GSN: variants seen among roughly 807,000 people sequenced by gnomAD.
GSN encodes the protein gelsolin, also known as actin-depolymerizing factor.
A neutral mutation model predicts 85.7 loss-of-function variants in GSN; 56 were observed. That is an observed-to-expected ratio of 0.65 (90% CI 0.53 to 0.82). The LOEUF (loss-of-function observed/expected upper bound fraction) is 0.82. Among genes scored for constraint, GSN ranks in the 40% least tolerant of loss-of-function variants. The pLI, the probability that GSN is intolerant of heterozygous loss-of-function variation, is 0.00. For synonymous variants in GSN, 373 were observed against 399.1 expected, an observed-to-expected ratio of 0.93 and a Z score of 0.78; for missense variants, 857 against 979.8, an observed-to-expected ratio of 0.87 and a Z score of 1.67.
At chr9:121,222,849 A>C (rs1168120355) in intron 4 of GSN, 2 of 152,086 alleles carry the variant, frequency 1.3e-5, no homozygotes, top group Non-Finnish European at 2.9e-5. Context: ...AAGAGAGCCA[A>C]GTGGGTAACG....
chr9:121,332,774 G>C lies in GSN; in HGVS notation c.*171G>C. On this transcript the variant is annotated 3_prime_UTR_variant, in exon 18 of 18. Coordinates refer to ENST00000432226, the MANE Select transcript of GSN (RefSeq NM_198252.3). This position sits in a 1 kb window ranked among gnomAD's most constrained non-coding sequence, Gnocchi z 4.8. Reference sequence around the variant, plus strand: ...AAAAATAGCCCTGCAAAAATTCAGAGTCCTTGCAAAATTGTCTAAAATGTC... The same window carrying C: ...AAAAATAGCCCTGCAAAAATTCAGACTCCTTGCAAAATTGTCTAAAATGTC... 1.7e-6 allele frequency: 1 copy of C among 599,082 alleles called. No individual in the cohort carries two copies. Among genetic ancestry groups the C allele is most frequent in the East Asian group, 2.8e-5 (1 of 35,974 alleles). 37.1% of individuals were successfully genotyped at this position (599,082 alleles called of 1,614,324 possible). A position where few individuals can be genotyped will look rare whatever the true frequency, so the allele number is the denominator to read the frequency against.
chr9:121,304,495 CAG>C (rs2060205202), intron 4 of GSN, among the ~76,000 whole-genome samples: 1 of 152,238 alleles, frequency 6.6e-6, no homozygotes, highest in African/African-American at 2.4e-5. Context: ...CCAGGAATCA[CAG>C]AGATTGGGAT....
chr9:121,300,878 G>C (rs1353903344), intron 2 of GSN, among the ~76,000 whole-genome samples: 1 of 152,148 alleles, frequency 6.6e-6, no homozygotes, highest in Non-Finnish European at 1.5e-5. Context: ...AGAGAGGAGA[G>C]GGGGCTCCTG....
At chr9:121,234,815 C>G (rs894663981) in intron 5 of GSN, among the ~76,000 whole-genome samples, 1 of 152,326 alleles carries the variant, frequency 6.6e-6, no homozygotes, top group South Asian at 2.1e-4. Flanking sequence ...CATCACCATA[C>G]ACTAGACTGA....
intron 4 of GSN, among the ~76,000 whole-genome samples, chr9:121,220,603 C>T (rs1022712051): frequency 1.3e-5 from 2 of 152,244 alleles, no homozygotes; most frequent in Non-Finnish European, 2.9e-5. Flanking sequence ...AGTGGTGGAA[C>T]CACAGCTAAT....
chr9:121,258,172 G>A (rs893606143), intron 6 of GSN, among the ~76,000 whole-genome samples: 10 of 152,186 alleles, frequency 6.6e-5, no homozygotes, highest in Non-Finnish European at 1.5e-4. Context: ...GGGAACTTGG[G>A]GAAATATGGC....
chr9:121,224,112 T>A (rs1175648451), intron 4 of GSN, among the ~76,000 whole-genome samples: 1 of 152,150 alleles, frequency 6.6e-6, no homozygotes, highest in African/African-American at 2.4e-5. Flanking sequence ...TATTTATTTT[T>A]TAGAGACGGA....
chr9:121,207,974 A>G (rs1424736433), intron 1 of GSN: 2 of 115,630 alleles, frequency 1.7e-5, no homozygotes, highest in African/African-American at 5.4e-5. Flanking sequence ...TTTTGTAGAG[A>G]CAGAGTTTCT....
intron 6 of GSN, among the ~76,000 whole-genome samples, chr9:121,259,436 G>C (rs1051679768): frequency 6.6e-6 from 1 of 152,136 alleles, no homozygotes; most frequent in African/African-American, 2.4e-5. Context: ...CTAAAACTGA[G>C]CCTGAAAAAA....
rs752882912 is a variant in GSN at position 121,261,181 on chromosome 9, G to T, written c.-340-3973G>T. Reference sequence around the variant, plus strand: ...GGGACAGCTGAATGCCTTCTGGTCCGCTGAGCCCAGAAGAGTGGGGCTGGG... The same window carrying T: ...GGGACAGCTGAATGCCTTCTGGTCCTCTGAGCCCAGAAGAGTGGGGCTGGG... On this transcript the variant is annotated intron_variant, in intron 6 of 24. Coordinates refer to the GSN transcript ENST00000373823. The surrounding 1 kb of genome is among the most constrained non-coding windows in gnomAD (Gnocchi z 4.1). 1.3e-5 allele frequency among the ~76,000 whole-genome samples: 2 copies of T among 152,228 alleles called. No individual in the cohort carries two copies. Among genetic ancestry groups the T allele is most frequent in the South Asian group, 4.1e-4 (2 of 4,836 alleles).
chr9:121,282,906 C>T (rs76146514), intron 2 of GSN: 6,313 of 208,046 alleles, frequency 0.03, 138 homozygotes, highest in Non-Finnish European at 0.042. Flanking sequence ...GCTGAGCAAC[C>T]GTCGCCTGAG....
chr9:121,257,704 C>G (rs1474798887), intron 6 of GSN, among the ~76,000 whole-genome samples: 1 of 152,196 alleles, frequency 6.6e-6, no homozygotes, highest in African/African-American at 2.4e-5. Context: ...AACCCCATCT[C>G]TACTAAAGAT....
In GSN at chr9:121,302,182, G is replaced by GCCCAGCCCCTGC. The variant is rs1588957161; in HGVS notation, c.196+25_196+36dup. ...CTACTGGCTGGGTGAGGCTGGCCCT[G>GCCCAGCCCCTGC]CCCAGCCCCTGCCCCAGCCCCCATT... On this transcript the variant is annotated intron_variant, in intron 3 of 17. Coordinates refer to ENST00000432226, the MANE Select transcript of GSN (RefSeq NM_198252.3). The GCCCAGCCCCTGC allele has an allele frequency of 1.2e-6, 2 of 1,611,686 alleles. No homozygotes were observed. The highest frequency in any genetic ancestry group is 2.2e-5 in the East Asian group (1 of 44,858).
At chr9:121,207,727 T>A (rs1443835357), upstream of GSN, 1 of 151,720 alleles carries the variant, frequency 6.6e-6, no homozygotes, top group Non-Finnish European at 1.5e-5. Context: ...TCAGTTTCAT[T>A]TCCTGTGACC....
chr9:121,301,522 A>C (rs550058070), intron 2 of GSN, among the ~76,000 whole-genome samples: 3 of 150,280 alleles, frequency 2.0e-5, no homozygotes, highest in Admixed American at 1.3e-4. Context: ...GCTACTCAGG[A>C]GGCTGAGGCA....
intron 4 of GSN, among the ~76,000 whole-genome samples, chr9:121,221,752 G>A (rs2054173928): frequency 6.6e-6 from 1 of 152,138 alleles, no homozygotes; most frequent in Non-Finnish European, 1.5e-5. Context: ...GCGAGAGTCT[G>A]AGCTAGTTGA....
chr9:121,201,855 G>A, the GSN span: 1 of 152,356 alleles, frequency 6.6e-6, no homozygotes, highest in Non-Finnish European at 1.5e-5. Flanking sequence ...TATCTTCCTC[G>A]GGCTGGTCCA....
intron 4 of GSN, among the ~76,000 whole-genome samples, chr9:121,304,626 C>T (rs1351340421): frequency 6.6e-6 from 1 of 152,206 alleles, no homozygotes; most frequent in African/African-American, 2.4e-5. Flanking sequence ...TTTACTGAGC[C>T]TCAATAACAG....
exon 2 of GSN, chr9:121,209,338 A>G (rs1393688426): frequency 1.3e-5 from 2 of 152,152 alleles, no homozygotes; most frequent in African/African-American, 4.8e-5. Flanking sequence ...GTGCTCAGAA[A>G]AAAATCCTTC....
Sources: allele counts gnomAD v4.1 joint callset (sites outside exome capture counted in the v4.1 genomes callset), GRCh38; gene constraint gnomAD v4.1.1; non-coding constraint Gnocchi (gnomAD v3.1); transcripts MANE v1.5; gene names NCBI Gene and HGNC (gene_info 2026-07-23, HGNC 2026-07-21).